ABRAXAS1: variants seen among roughly 807,000 people sequenced by gnomAD.
ABRAXAS1 encodes the protein abraxas 1, BRCA1 A complex subunit.
Under a neutral mutation model 38.4 loss-of-function variants are expected in ABRAXAS1, and 26 were observed. That is an observed-to-expected ratio of 0.68 (90% confidence interval 0.50 to 0.94). The LOEUF is 0.94. Among genes scored for constraint, ABRAXAS1 ranks in the 40% least tolerant of loss-of-function variants. The pLI, the probability that ABRAXAS1 is intolerant of heterozygous loss-of-function variation, is 0.00. For synonymous variants in ABRAXAS1, 144 were observed against 165.5 expected (o/e 0.87, Z 1.00); for missense variants, 438 against 481.9 (o/e 0.91, Z 0.85).
At chr4:83,484,072 T>C (rs1723089920) in intron 1 of ABRAXAS1, 1 of 957,896 alleles carries the variant, frequency 1.0e-6, no homozygotes, top group Non-Finnish European at 1.2e-6. Context: ...CTCACTACGT[T>C]GTCCCCGATG....
intron 4 of ABRAXAS1, 72 bp downstream of exon 4, chr4:83,472,149 AG>A: frequency 1.1e-6 from 1 of 902,206 alleles, no homozygotes; most frequent in Non-Finnish European, 1.7e-6. Flanking sequence ...ATTCTGTCAA[AG>A]TACTGTGTGT....
chr4:83,462,451 C>T lies in ABRAXAS1; in HGVS notation c.*18G>A, dbSNP rs1722153153. On this transcript the variant is annotated 3_prime_UTR_variant, in exon 9 of 9. Coordinates refer to ENST00000321945, the MANE Select transcript of ABRAXAS1 (RefSeq NM_139076.3). ...CCCATCAGCCAAATAAAAAAATCTC[C>T]TTGTAAGGTTAAAAGGATCAAAATG... The T allele has an allele frequency of 6.3e-7, 1 of 1,578,534 alleles. No individual in the cohort carries two copies. Among genetic ancestry groups the T allele is most frequent in the East Asian group, 2.2e-5 (1 of 44,530 alleles).
chr4:83,462,959 A>G, intron 8 of ABRAXAS1, 57 bp from the exon 9 acceptor site: 2 of 1,198,694 alleles, frequency 1.7e-6, no homozygotes, highest in Non-Finnish European at 2.3e-6. Flanking sequence ...AAGCTTTTAT[A>G]ATTAACTATT....
intron 4 of ABRAXAS1, among the ~76,000 whole-genome samples, chr4:83,472,002 C>T (rs947232047): frequency 1.3e-5 from 2 of 152,128 alleles, no homozygotes; most frequent in Non-Finnish European, 2.9e-5. Context: ...GTTAATTAGT[C>T]AAAGAAAGGA....
Position 83,461,215 on chromosome 4 carries a change from C to A in ABRAXAS1, c.*1254G>T, listed in dbSNP as rs749767506. 6.2e-7 allele frequency: 1 copy of A among 1,603,368 alleles called. No individual in the cohort carries two copies. The highest frequency in any genetic ancestry group is 2.2e-5 in the East Asian group (1 of 44,786). ...GGGAATAAATTCTATCACGTTACCA[C>A]TAATAAACTTATTTTACAGTAAGTG... is the stretch of plus-strand genomic sequence containing the variant. On this transcript the variant is annotated 3_prime_UTR_variant, in exon 9 of 9. Coordinates refer to ENST00000321945, the MANE Select transcript of ABRAXAS1 (RefSeq NM_139076.3).
At chr4:83,471,334 G>A (rs954293667) in intron 4 of ABRAXAS1, among the ~76,000 whole-genome samples, 7 of 150,198 alleles carry the variant, frequency 4.7e-5, no homozygotes, top group African/African-American at 1.7e-4. Flanking sequence ...CTCCTGAGTA[G>A]CTCAGATTAC....
chr4:83,465,769 C>T lies in ABRAXAS1; in HGVS notation c.681+1685G>A, dbSNP rs116812832. 4.4e-3 allele frequency among the ~76,000 whole-genome samples: 677 copies of T among 152,274 alleles called. 1 individual carries two copies. The highest frequency in any genetic ancestry group is 0.011 in the South Asian group (53 of 4,828). On this transcript the variant is annotated intron_variant, in intron 7 of 8. Coordinates refer to ENST00000321945, the MANE Select transcript of ABRAXAS1 (RefSeq NM_139076.3). ...TGCCATTGCTCTCCAGCCTGGGTAA[C>T]AGAGCAAGACACTGTCTCTAAAAAA...
chr4:83,464,860 A>G (rs1722288569), intron 7 of ABRAXAS1, among the ~76,000 whole-genome samples: 1 of 152,242 alleles, frequency 6.6e-6, no homozygotes, highest in Admixed American at 6.5e-5. Flanking sequence ...AGAAAGTTCT[A>G]TGGCATTCTA....
At chr4:83,470,853 A>G (rs1047979673) in intron 4 of ABRAXAS1, among the ~76,000 whole-genome samples, 5 of 152,246 alleles carry the variant, frequency 3.3e-5, no homozygotes, top group Non-Finnish European at 7.3e-5. Context: ...TATGGGAATG[A>G]TATCACCTAC....
intron 7 of ABRAXAS1, among the ~76,000 whole-genome samples, chr4:83,466,071 T>C (rs1407587311): frequency 1.3e-5 from 2 of 152,124 alleles, no homozygotes; most frequent in African/African-American, 4.8e-5. Context: ...CAGGTATTAG[T>C]GCAAGTCCAT....
chr4:83,476,626 C>CA lies in ABRAXAS1; in HGVS notation c.215+16_215+17insT, dbSNP rs769469869. Reference sequence around the variant, plus strand: ...ATTTTCACAATGGATCATTTACTTACTAGCACTACTACTTACCTAAAAAGC... The same window carrying CA: ...ATTTTCACAATGGATCATTTACTTACATAGCACTACTACTTACCTAAAAAGC... On this transcript the variant is annotated intron_variant, in intron 3 of 8. Transcript: ENST00000321945. 5 of 1,525,134 alleles carry CA rather than the reference C, an allele frequency of 3.3e-6. No individual in the cohort carries two copies. Among genetic ancestry groups the CA allele is most frequent in the Non-Finnish European group, 4.5e-6 (5 of 1,102,246 alleles). 94.5% of individuals were successfully genotyped at this position (1,525,134 alleles called of 1,614,324 possible). A position where few individuals can be genotyped will look rare whatever the true frequency, so the allele number is the denominator to read the frequency against.
intron 1 of ABRAXAS1, among the ~76,000 whole-genome samples, chr4:83,483,263 T>C (rs970080300): frequency 3.3e-5 from 5 of 151,616 alleles, no homozygotes; most frequent in Admixed American, 6.6e-5. Flanking sequence ...TGCTTGACAA[T>C]GAAGATTTTA....
At position 83,476,603 on chromosome 4, in the gene ABRAXAS1, T is replaced by G. The variant is rs1260600608; in HGVS notation, c.215+40A>C. ...AACTATTTCACTTGCAGAGAGTAAT[T>G]TTCACAATGGATCATTTACTTACTA... On this transcript the variant is annotated intron_variant, in intron 3 of 8. Transcript: ENST00000321945. The G allele has an allele frequency of 2.2e-6, 3 of 1,392,226 alleles. No individual in the cohort carries two copies. In the South Asian group the frequency reaches 3.5e-5, roughly 16 times the overall value. The allele number at this position is 1,392,226 out of a possible 1,614,324, so 86.2% of individuals were successfully genotyped here. A position where few individuals can be genotyped will look rare whatever the true frequency, so the allele number is the denominator to read the frequency against.
At position 83,463,546 on chromosome 4, in the gene ABRAXAS1, G is replaced by GTT; in HGVS notation, c.742_743dup (p.Asn248LysfsTer4). On this transcript the variant is annotated frameshift_variant, in exon 8 of 9. Transcript: ENST00000321945. LOFTEE classifies it high-confidence loss of function. Reference sequence around the variant, plus strand: ...TTTTCTCAATTTCTCGTTTTAATCTGTTTACATCCTTTACTAGTTTATCTA... The same window carrying GTT: ...TTTTCTCAATTTCTCGTTTTAATCTGTTTTTACATCCTTTACTAGTTTATCTA... 3 of 1,611,772 alleles carry GTT rather than the reference G, an allele frequency of 1.9e-6. No homozygotes were observed. Among genetic ancestry groups the GTT allele is most frequent in the Non-Finnish European group, 2.5e-6 (3 of 1,179,196 alleles).
chr4:83,462,413 A>G lies in ABRAXAS1; in HGVS notation c.*56T>C. On this transcript the variant is annotated 3_prime_UTR_variant, in exon 9 of 9. Coordinates refer to ENST00000321945, the MANE Select transcript of ABRAXAS1 (RefSeq NM_139076.3). ...GCTCAACATAGTAAAAACAATAGAA[A>G]TGTTTGGCTTTACCCATCAGCCAAA... 1 of 1,427,608 alleles carries G rather than the reference A, an allele frequency of 7.0e-7. No homozygotes were observed. The highest frequency in any genetic ancestry group is 9.5e-7 in the Non-Finnish European group (1 of 1,047,216). The allele number at this position is 1,427,608 out of a possible 1,614,324, so 88.4% of individuals were successfully genotyped here. A position where few individuals can be genotyped will look rare whatever the true frequency, so the allele number is the denominator to read the frequency against.
chr4:83,477,862 T>C, intron 2 of ABRAXAS1: 1 of 750,586 alleles, frequency 1.3e-6, no homozygotes, highest in South Asian at 1.3e-5. Context: ...GTTTAGAAGA[T>C]GAAACTCTTT....
At chr4:83,472,178 A>G in intron 4 of ABRAXAS1, 44 bp downstream of exon 4, 1 of 1,285,528 alleles carries the variant, frequency 7.8e-7, no homozygotes, top group Non-Finnish European at 1.1e-6. Context: ...AACCAAAAAC[A>G]ATGCAAATAA....
Position 83,462,714 on chromosome 4 carries a change from G to C in ABRAXAS1, c.985C>G (p.His329Asp). The change falls in exon 9 of 9, where the codon CAC becomes GAC. Residue 329 changes from histidine (H) to aspartate (D), a missense_variant. His to Asp is a moderately conservative substitution (Grantham distance 81). This residue lies in a region of ABRAXAS1 where 184 missense variants were observed against 181.9 expected (regional missense o/e 1.01). Coordinates refer to ENST00000321945, the MANE Select transcript of ABRAXAS1 (RefSeq NM_139076.3). ...GGACTAGCTTCAGGAATGTCAGTGT[G>C]TTCTACCATTAAGGTCAGATTGTCT... ...VVDNLTLMVE[H>D]TDIPEASPAS... The C allele has an allele frequency of 6.2e-7, 1 of 1,613,748 alleles. No individual in the cohort carries two copies. The highest frequency in any genetic ancestry group is 8.5e-7 in the Non-Finnish European group (1 of 1,179,974).
intron 2 of ABRAXAS1, chr4:83,478,279 G>T: frequency 1.5e-6 from 1 of 660,006 alleles, no homozygotes; most frequent in Non-Finnish European, 2.9e-6. Flanking sequence ...ATCTCTATAA[G>T]GGCACTTTGG....
Sources: gnomAD v4.1 joint callset for allele counts (sites outside exome capture counted in the v4.1 genomes callset) on GRCh38, gnomAD v4.1.1 for gene constraint, gnomAD v4.1.1 regional missense constraint, MANE v1.5 for transcripts, NCBI Gene and HGNC (gene_info 2026-07-23, HGNC 2026-07-21) for gene names.